USP12: variants seen among roughly 807,000 people sequenced by gnomAD.
The protein encoded by USP12 is ubiquitin specific peptidase 12.
A neutral mutation model predicts 45.5 loss-of-function variants in USP12; 19 were observed. The ratio of observed to expected loss-of-function variants is 0.42; its 90% CI spans 0.29 to 0.61. The LOEUF (loss-of-function observed/expected upper bound fraction) is 0.61, where lower values mean the gene tolerates loss of function less well. Ranked by LOEUF, USP12 falls within the 20% of genes least tolerant of loss-of-function variation. USP12 has a pLI of 0.22. For missense variants in USP12, 242 were observed against 447.7 expected, an observed-to-expected ratio of 0.54 and a Z score of 4.15; for synonymous variants, 149 against 148.8, an observed-to-expected ratio of 1.00 and a Z score of -0.01.
intron 4 of USP12, among the ~76,000 whole-genome samples, chr13:27,095,151 T>C (rs551563569): frequency 1.3e-5 from 2 of 152,288 alleles, no homozygotes; most frequent in South Asian, 4.2e-4. Context: ...TTTTCAAGCT[T>C]CATCTTTACA....
At chr13:27,151,939 C>T (rs1341861049) in intron 1 of USP12, among the ~76,000 whole-genome samples, 1 of 152,084 alleles carries the variant, frequency 6.6e-6, no homozygotes, top group African/African-American at 2.4e-5. Context: ...CAAATCAAAA[C>T]CACAATGAAA....
chr13:27,170,056 T>A (rs1593221326), intron 1 of USP12: 1 of 351,392 alleles, frequency 2.8e-6, no homozygotes, highest in Non-Finnish European at 5.1e-6. Flanking sequence ...ACTAAGATAA[T>A]AATTGGCGTA....
intron 6 of USP12, among the ~76,000 whole-genome samples, chr13:27,082,600 TA>T (rs1187573282): frequency 6.6e-6 from 1 of 152,258 alleles, no homozygotes; most frequent in Non-Finnish European, 1.5e-5. Context: ...GCTTTCAGCC[TA>T]TCTTGGCTTT....
At chr13:27,086,197 A>AAAAAT (rs1555233235) in intron 6 of USP12, among the ~76,000 whole-genome samples, 4 of 56,934 alleles carry the variant, frequency 7.0e-5, no homozygotes, top group East Asian at 6.2e-4. Flanking sequence ...AAAAAAAAAA[A>AAAAAT]ATATATATAT....
intron 1 of USP12, among the ~76,000 whole-genome samples, chr13:27,119,294 T>G (rs1484829637): frequency 6.6e-6 from 1 of 152,158 alleles, no homozygotes; most frequent in Non-Finnish European, 1.5e-5. Flanking sequence ...AAGAGCCAAT[T>G]CCATGAAGCG....
intron 1 of USP12, among the ~76,000 whole-genome samples, chr13:27,145,664 T>C (rs1877275538): frequency 6.6e-6 from 1 of 152,202 alleles, no homozygotes; most frequent in Non-Finnish European, 1.5e-5. Flanking sequence ...TTGTCACTTT[T>C]ATAAAGTTGT....
intron 3 of USP12, among the ~76,000 whole-genome samples, chr13:27,102,011 TAATG>T (rs57318848): frequency 0.023 from 3,416 of 151,708 alleles, 162 homozygotes; most frequent in African/African-American, 0.079. Flanking sequence ...TCCCATTTTT[TAATG>T]AATGAATGAA....
chr13:27,097,692 T>C (rs1874654491), intron 3 of USP12, among the ~76,000 whole-genome samples: 1 of 152,118 alleles, frequency 6.6e-6, no homozygotes, highest in African/African-American at 2.4e-5. Flanking sequence ...CTCACAGCAG[T>C]ACCTGTACCT....
At chr13:27,141,324 C>A (rs973421195) in intron 1 of USP12, among the ~76,000 whole-genome samples, 6 of 152,054 alleles carry the variant, frequency 3.9e-5, no homozygotes, top group Non-Finnish European at 8.8e-5. Flanking sequence ...TGTGAAGTCA[C>A]TTTTTAAAAC....
At chr13:27,135,998 C>T (rs1253248643) in intron 1 of USP12, among the ~76,000 whole-genome samples, 1 of 152,144 alleles carries the variant, frequency 6.6e-6, no homozygotes, top group Non-Finnish European at 1.5e-5. Context: ...ATGATTCCTG[C>T]CCTGAGATCA....
intron 1 of USP12, among the ~76,000 whole-genome samples, chr13:27,145,873 T>A (rs1403764583): frequency 1.3e-5 from 2 of 152,190 alleles, no homozygotes; most frequent in Non-Finnish European, 2.9e-5. Context: ...CTAGCCCTTA[T>A]AATTAATGAA....
chr13:27,072,206 G>A (rs974763824), intron 7 of USP12, among the ~76,000 whole-genome samples: 2 of 151,870 alleles, frequency 1.3e-5, no homozygotes, highest in African/African-American at 4.8e-5. Flanking sequence ...TCATCTAAAG[G>A]GTCTTGTGTG....
intron 5 of USP12, 37 bp from the exon 6 acceptor site, chr13:27,090,003 C>A: frequency 1.9e-6 from 3 of 1,592,942 alleles, no homozygotes; most frequent in African/African-American, 2.7e-5. Context: ...TTTGTAGATA[C>A]CAGGAAATCA....
intron 1 of USP12, among the ~76,000 whole-genome samples, chr13:27,120,531 G>A (rs1333960368): frequency 2.0e-5 from 3 of 151,708 alleles, no homozygotes; most frequent in African/African-American, 4.8e-5. Flanking sequence ...GTGGGCGCCT[G>A]TAATTCCAGC....
intron 6 of USP12, among the ~76,000 whole-genome samples, chr13:27,081,005 G>A (rs954158947): frequency 2.1e-5 from 3 of 142,134 alleles, no homozygotes; most frequent in Admixed American, 1.5e-4. Context: ...GGGTGGCTGA[G>A]GCAATTTTTT....
intron 2 of USP12, among the ~76,000 whole-genome samples, chr13:27,106,337 T>C (rs543220005): frequency 1.3e-5 from 2 of 151,250 alleles, no homozygotes; most frequent in African/African-American, 4.9e-5. Flanking sequence ...AGCCATGTCA[T>C]TGGGGTATGT....
At chr13:27,137,696 T>C (rs1205770708) in intron 1 of USP12, among the ~76,000 whole-genome samples, 6 of 152,248 alleles carry the variant, frequency 3.9e-5, no homozygotes, top group African/African-American at 1.4e-4. Context: ...CTAGTATCCA[T>C]GCCTTTGTAT....
At chr13:27,159,180 G>A (rs576672257) in intron 1 of USP12, among the ~76,000 whole-genome samples, 7 of 152,166 alleles carry the variant, frequency 4.6e-5, no homozygotes, top group African/African-American at 1.7e-4. Context: ...CCATTTCTAA[G>A]GTAATCAGAT....
At chr13:27,098,762 G>A (rs79649735) in intron 3 of USP12, among the ~76,000 whole-genome samples, 6,793 of 152,254 alleles carry the variant, frequency 0.045, 174 homozygotes, top group Admixed American at 0.076. Context: ...GCAGAAGTCT[G>A]AAAATATCCT....
Sources: allele counts gnomAD v4.1 joint callset (sites outside exome capture counted in the v4.1 genomes callset), GRCh38; gene constraint gnomAD v4.1.1; transcripts MANE v1.5; gene names NCBI Gene and HGNC (gene_info 2026-07-23, HGNC 2026-07-21).